The following C12orf56 variants were observed in gnomAD, a reference collection of about 807,000 sequenced individuals.
C12orf56 encodes the protein uncharacterized protein C12orf56.
C12orf56 carries 71 observed loss-of-function variants against 69.9 expected under a neutral mutation model. The observed-to-expected ratio is 1.02, with a 90% CI of 0.84 to 1.24. The LOEUF is 1.24. C12orf56 is among the 50% of genes most tolerant of loss of function. The pLI is 0.00. For synonymous variants in C12orf56, 276 were observed against 274.1 expected (o/e 1.01, Z -0.07); for missense variants, 732 against 738.5 (o/e 0.99, Z 0.10).
In C12orf56 at chr12:64,369,725, G is replaced by A. The variant is rs148987081; in HGVS notation, c.253-16669C>T. ...AGGCCAGACATGGTGGCTCACGCCTGTAATCCCAGCACTTTGGGAGGCCAA... is the reference window on the plus strand; with the variant it reads ...AGGCCAGACATGGTGGCTCACGCCTATAATCCCAGCACTTTGGGAGGCCAA... On this transcript the variant is annotated intron_variant, in intron 1 of 12. Transcript: ENST00000543942. Among the ~76,000 whole-genome samples, 15 of 151,590 alleles carry A rather than the reference G, an allele frequency of 9.9e-5. No individual in the cohort carries two copies. In the East Asian group the frequency reaches 2.8e-3, roughly 28 times the overall value.
chr12:64,379,172 T>C (rs1000232731), intron 1 of C12orf56, among the ~76,000 whole-genome samples: 2 of 152,240 alleles, frequency 1.3e-5, no homozygotes, highest in Non-Finnish European at 2.9e-5. Flanking sequence ...GGCTATTTGT[T>C]AGTGCAGCTT....
At chr12:64,356,170 CAAA>C (rs761289428) in intron 1 of C12orf56, among the ~76,000 whole-genome samples, 38 of 48,400 alleles carry the variant, frequency 7.9e-4, no homozygotes, top group East Asian at 3.7e-3. Context: ...GACTCCATCT[CAAA>C]AAAAAAAAAA....
At chr12:64,295,382 C>A (rs948996375) in intron 6 of C12orf56, among the ~76,000 whole-genome samples, 4 of 152,036 alleles carry the variant, frequency 2.6e-5, no homozygotes, top group African/African-American at 9.7e-5. Context: ...GTGTTCTCAG[C>A]CTGTGTAATC....
At chr12:64,295,039 C>T (rs563883852) in intron 6 of C12orf56, among the ~76,000 whole-genome samples, 5 of 152,078 alleles carry the variant, frequency 3.3e-5, no homozygotes, top group African/African-American at 4.8e-5. Flanking sequence ...CATGCCACCA[C>T]GCCTGGCTAA....
intron 6 of C12orf56, among the ~76,000 whole-genome samples, chr12:64,288,885 G>A (rs74794748): frequency 6.6e-4 from 100 of 150,792 alleles, no homozygotes; most frequent in African/African-American, 2.1e-3. Context: ...AATTCTGTGA[G>A]GAAAGTCATT....
chr12:64,270,385 A>T (rs1025447499), intron 12 of C12orf56, 151 bp downstream of exon 12: 19 of 704,488 alleles, frequency 2.7e-5, no homozygotes, highest in Non-Finnish European at 4.1e-5. Context: ...TGGGTGACAG[A>T]GCAAGACTCC....
chr12:64,382,482 A>G (rs2039732715), intron 1 of C12orf56, among the ~76,000 whole-genome samples: 2 of 152,124 alleles, frequency 1.3e-5, no homozygotes, highest in Admixed American at 6.6e-5. Flanking sequence ...TAACTAATGC[A>G]TATATAGTTC....
At chr12:64,329,406 A>G (rs2038896351) in intron 3 of C12orf56, among the ~76,000 whole-genome samples, 2 of 152,010 alleles carry the variant, frequency 1.3e-5, no homozygotes, top group Non-Finnish European at 2.9e-5. Context: ...CCCAGTTCAC[A>G]TTCTAATGAC....
intron 1 of C12orf56, among the ~76,000 whole-genome samples, chr12:64,363,494 C>T (rs1211707147): frequency 6.6e-6 from 1 of 152,118 alleles, no homozygotes. Context: ...TATTCTACTC[C>T]ATAAAAGTGT....
chr12:64,307,765 G>A (rs2038535380), intron 5 of C12orf56, among the ~76,000 whole-genome samples: 3 of 152,136 alleles, frequency 2.0e-5, no homozygotes, highest in Admixed American at 1.3e-4. Context: ...CACTTTGGGA[G>A]GCCAAGGTGG....
chr12:64,308,934 A>T (rs1175961781), intron 5 of C12orf56, among the ~76,000 whole-genome samples: 2 of 30,102 alleles, frequency 6.6e-5, no homozygotes, highest in South Asian at 1.2e-3. Flanking sequence ...GAAAGAAAGA[A>T]AGAAAGAAGA....
intron 2 of C12orf56, 126 bp downstream of exon 2, chr12:64,352,768 G>A: frequency 2.5e-6 from 2 of 801,580 alleles, no homozygotes; most frequent in Non-Finnish European, 3.5e-6. Context: ...AAATTTTCCT[G>A]GCTGCGTGAT....
At position 64,372,245 on chromosome 12, in the gene C12orf56, A is replaced by G. The variant is rs115954898; in HGVS notation, c.252+18069T>C. On this transcript the variant is annotated intron_variant, in intron 1 of 12. Transcript: ENST00000543942. Reference sequence around the variant, plus strand: ...ATTTGCCCAAAGGTTCATAAAACCCAAGAGTTCATTTGTAAGCAAGTATTG... The same window carrying G: ...ATTTGCCCAAAGGTTCATAAAACCCGAGAGTTCATTTGTAAGCAAGTATTG... Among the ~76,000 whole-genome samples, 881 of 152,336 alleles carry G rather than the reference A, an allele frequency of 5.8e-3. 13 individuals are homozygous for G. Among genetic ancestry groups the G allele is most frequent in the African/African-American group, 0.019 (803 of 41,574 alleles).
At chr12:64,305,832 A>G (rs897077299) in intron 5 of C12orf56, among the ~76,000 whole-genome samples, 3 of 152,230 alleles carry the variant, frequency 2.0e-5, no homozygotes, top group East Asian at 1.9e-4. Context: ...AAAAGTAACT[A>G]TGAAATCCCT....
At chr12:64,383,830 T>G (rs1469967660) in intron 1 of C12orf56, among the ~76,000 whole-genome samples, 8 of 152,230 alleles carry the variant, frequency 5.3e-5, no homozygotes, top group East Asian at 1.9e-4. Context: ...CACATTGAAC[T>G]GATATTTGCC....
chr12:64,338,906 T>C (rs1221596844), intron 2 of C12orf56: 1 of 553,658 alleles, frequency 1.8e-6, no homozygotes, highest in Non-Finnish European at 3.3e-6. Flanking sequence ...CCTTTACTTT[T>C]TGAGAACATT....
chr12:64,363,342 G>A (rs150899093), intron 1 of C12orf56, among the ~76,000 whole-genome samples: 1,923 of 152,264 alleles, frequency 0.013, 15 homozygotes, highest in Middle Eastern at 0.034. Context: ...CTCAATCTGT[G>A]AGGCTAAAAG....
chr12:64,363,517 GC>G (rs2039424915), intron 1 of C12orf56, among the ~76,000 whole-genome samples: 1 of 152,132 alleles, frequency 6.6e-6, no homozygotes. Flanking sequence ...TGGGGCACAC[GC>G]TAGGGGCCCC....
chr12:64,380,001 A>C (rs1197974128), intron 1 of C12orf56, among the ~76,000 whole-genome samples: 1 of 143,834 alleles, frequency 7.0e-6, no homozygotes, highest in South Asian at 2.4e-4. Flanking sequence ...GCTACTCCGG[A>C]GGCTGAGGCA....
Sources: gnomAD v4.1 joint callset for allele counts (sites outside exome capture counted in the v4.1 genomes callset) on GRCh38, gnomAD v4.1.1 for gene constraint, MANE v1.5 for transcripts, NCBI Gene and HGNC (gene_info 2026-07-23, HGNC 2026-07-21) for gene names.